Variants in LIMS1 observed in about 807,000 individuals in gnomAD.
LIMS1 encodes the protein LIM and senescent cell antigen-like-containing domain protein 1.
A neutral mutation model predicts 44.1 loss-of-function variants in LIMS1; 18 were observed. The ratio of observed to expected loss-of-function variants is 0.41; its 90% CI spans 0.28 to 0.61. The LOEUF (loss-of-function observed/expected upper bound fraction) is 0.61, where lower values mean the gene tolerates loss of function less well. LIMS1 is among the 20% of genes least tolerant of loss of function. The pLI, the probability that LIMS1 is intolerant of heterozygous loss-of-function variation, is 0.32. For missense variants in LIMS1, 201 were observed against 422.0 expected, an observed-to-expected ratio of 0.48 and a Z score of 4.59; for synonymous variants, 93 against 149.1, an observed-to-expected ratio of 0.62 and a Z score of 2.74.
At chr2:108,652,823 G>C (rs1243390969) in intron 1 of LIMS1, among the ~76,000 whole-genome samples, 1 of 152,044 alleles carries the variant, frequency 6.6e-6, no homozygotes, top group Non-Finnish European at 1.5e-5. Context: ...TTAAATTTCT[G>C]GTCTGAGTCA....
chr2:108,613,941 T>C (rs189625074), intron 1 of LIMS1, among the ~76,000 whole-genome samples: 14 of 152,040 alleles, frequency 9.2e-5, no homozygotes, highest in Non-Finnish European at 1.5e-4. Flanking sequence ...CTACTTGACA[T>C]GTTTTAAATT....
At chr2:108,670,657 A>C in intron 2 of LIMS1, 124 bp from the exon 3 acceptor site, 1 of 673,002 alleles carries the variant, frequency 1.5e-6, no homozygotes, top group Non-Finnish European at 2.6e-6. Flanking sequence ...ATCCCAGTAG[A>C]GTTATAAATT....
intron 1 of LIMS1, among the ~76,000 whole-genome samples, chr2:108,626,554 A>T (rs910272201): frequency 6.6e-6 from 1 of 152,232 alleles, no homozygotes; most frequent in Middle Eastern, 3.4e-3. Context: ...TATAATAGAG[A>T]GGGGATTCTT....
At chr2:108,666,375 T>C (rs1013957233) in intron 2 of LIMS1, among the ~76,000 whole-genome samples, 1 of 137,350 alleles carries the variant, frequency 7.3e-6, no homozygotes, top group African/African-American at 2.8e-5. Context: ...TGGAGTGCAG[T>C]GGAACAATCA....
At chr2:108,555,356 AAGAC>A (rs978691934) in intron 1 of LIMS1, among the ~76,000 whole-genome samples, 1 of 152,180 alleles carries the variant, frequency 6.6e-6, no homozygotes, top group Non-Finnish European at 1.5e-5. Context: ...TCAGAGCAGA[AAGAC>A]AGAAGGAACC....
At chr2:108,646,955 T>C (rs1690108149) in intron 1 of LIMS1, among the ~76,000 whole-genome samples, 1 of 152,212 alleles carries the variant, frequency 6.6e-6, no homozygotes, top group South Asian at 2.1e-4. Flanking sequence ...TCTCCTGATC[T>C]CGTGATCCGC....
chr2:108,676,508 T>A, intron 6 of LIMS1, 98 bp from the exon 7 acceptor site: 1 of 1,418,404 alleles, frequency 7.1e-7, no homozygotes, highest in South Asian at 1.3e-5. Context: ...GTCTCAAACT[T>A]TCCTTCATCT....
intron 8 of LIMS1, among the ~76,000 whole-genome samples, chr2:108,679,659 G>C (rs1357566419): frequency 6.6e-6 from 1 of 152,078 alleles, no homozygotes; most frequent in African/African-American, 2.4e-5. Context: ...GCTTATACCT[G>C]TAATCCCAGC....
At chr2:108,667,549 A>ATATATATATATATAT (rs1321611682) in intron 2 of LIMS1, among the ~76,000 whole-genome samples, 1 of 73,430 alleles carries the variant, frequency 1.4e-5, no homozygotes, top group African/African-American at 4.5e-5. Flanking sequence ...AAAAAAAAAA[A>ATATATATATATATAT]AAATATATAT....
At chr2:108,636,600 C>T (rs1689268307) in intron 1 of LIMS1, among the ~76,000 whole-genome samples, 2 of 152,210 alleles carry the variant, frequency 1.3e-5, no homozygotes, top group Non-Finnish European at 2.9e-5. Context: ...ATCACCAGCA[C>T]CTAGCAATAT....
At chr2:108,629,788 G>A (rs1688792313) in intron 1 of LIMS1, among the ~76,000 whole-genome samples, 1 of 152,254 alleles carries the variant, frequency 6.6e-6, no homozygotes, top group African/African-American at 2.4e-5. Flanking sequence ...CCATGGAGGT[G>A]ATGTGAGGAG....
At chr2:108,545,267 T>G (rs769562846) in intron 1 of LIMS1, among the ~76,000 whole-genome samples, 7 of 152,160 alleles carry the variant, frequency 4.6e-5, no homozygotes, top group Non-Finnish European at 1.0e-4. Context: ...TATATATAAT[T>G]TTGTTGCCCA....
chr2:108,581,745 C>T (rs529901247), intron 1 of LIMS1, among the ~76,000 whole-genome samples: 1 of 152,132 alleles, frequency 6.6e-6, no homozygotes, highest in Non-Finnish European at 1.5e-5. Context: ...CAAGACCAGC[C>T]TGACCAACGT....
chr2:108,565,764 TA>T (rs771939684), intron 1 of LIMS1, among the ~76,000 whole-genome samples: 3 of 152,146 alleles, frequency 2.0e-5, no homozygotes, highest in Non-Finnish European at 2.9e-5. Context: ...TGGGAAGTCC[TA>T]AATGAAGGCA....
chr2:108,588,627 G>A (rs777461724), intron 1 of LIMS1: 3 of 984,054 alleles, frequency 3.0e-6, no homozygotes, highest in Non-Finnish European at 3.6e-6. Flanking sequence ...GCCAAACACA[G>A]GGTATTGTTG....
intron 1 of LIMS1, among the ~76,000 whole-genome samples, chr2:108,584,840 G>C (rs1017457385): frequency 6.6e-6 from 1 of 152,104 alleles, no homozygotes; most frequent in East Asian, 1.9e-4. Context: ...CCAGGGATGA[G>C]GGTTTGGGGA....
At chr2:108,587,293 TGTGTGTGTGTGTGTGTGTGTGTGTG>T (rs1686154020) in intron 1 of LIMS1, among the ~76,000 whole-genome samples, 1 of 90,184 alleles carries the variant, frequency 1.1e-5, no homozygotes, top group African/African-American at 6.9e-5. Context: ...TTGGGGTTTG[TGTGTGTGTGTGTGTGTGTGTGTGTG>T]TGTGTGTGTG....
chr2:108,664,257 T>C (rs1346526260), intron 2 of LIMS1, among the ~76,000 whole-genome samples: 1 of 152,198 alleles, frequency 6.6e-6, no homozygotes, highest in Non-Finnish European at 1.5e-5. Flanking sequence ...GATTTGCAAC[T>C]TTGCACTTGA....
chr2:108,554,481 T>G (rs1284643256), intron 1 of LIMS1, among the ~76,000 whole-genome samples: 1 of 152,218 alleles, frequency 6.6e-6, no homozygotes, highest in African/African-American at 2.4e-5. Context: ...ATTCTTGGGG[T>G]AGAAACTCTT....
Sources: allele counts gnomAD v4.1 joint callset (sites outside exome capture counted in the v4.1 genomes callset), GRCh38; gene constraint gnomAD v4.1.1; transcripts MANE v1.5; gene names NCBI Gene and HGNC (gene_info 2026-07-23, HGNC 2026-07-21).